PI4KA: variants seen among roughly 807,000 people sequenced by gnomAD.
The protein encoded by PI4KA is phosphatidylinositol 4-kinase alpha.
PI4KA carries 122 observed loss-of-function variants against 271.4 expected under a neutral mutation model. That is an observed-to-expected ratio of 0.45 (90% confidence interval 0.39 to 0.52). The LOEUF (loss-of-function observed/expected upper bound fraction) is 0.52. Among genes scored for constraint, PI4KA ranks in the 20% least tolerant of loss-of-function variants. The pLI, the probability that PI4KA is intolerant of heterozygous loss-of-function variation, is 0.00. For synonymous variants in PI4KA, 1,041 were observed against 1,078.8 expected, an observed-to-expected ratio of 0.96 and a Z score of 0.69; for missense variants, 1,969 against 2,769.1, an observed-to-expected ratio of 0.71 and a Z score of 6.48.
At chr22:20,845,033 G>C (rs954146991) in intron 1 of PI4KA, among the ~76,000 whole-genome samples, 3 of 152,042 alleles carry the variant, frequency 2.0e-5, no homozygotes, top group Non-Finnish European at 4.4e-5. Flanking sequence ...CGATGGCCAG[G>C]GTTATTCCCA....
intron 52 of PI4KA, 175 bp from the exon 53 acceptor site, chr22:20,710,172 C>A (rs1925068263): frequency 1.5e-6 from 1 of 659,342 alleles, no homozygotes; most frequent in African/African-American, 1.8e-5. Context: ...ACTTGGTAAC[C>A]CATACCGCCC....
In PI4KA at chr22:20,838,669, T is replaced by C. The variant is rs759323232; in HGVS notation, c.219A>G (p.Arg73=). 5.0e-5 allele frequency: 81 copies of C among 1,613,592 alleles called. No homozygotes were observed. In the East Asian group the frequency reaches 1.7e-3, roughly 35 times the overall value. ...DFHGIFQLDE[R]RRDAVIALGI... Reference sequence around the variant, plus strand: ...CCAATGCAATCACTGCATCTCTCCGTCTTTCATCTAACTGGAAGATCCCAT... The same window carrying C: ...CCAATGCAATCACTGCATCTCTCCGCCTTTCATCTAACTGGAAGATCCCAT... Residue 73 remains arginine (R), a synonymous_variant, in exon 2 of 55, where the codon AGA becomes AGG. Transcript: ENST00000255882.
At chr22:20,784,140 T>C in intron 19 of PI4KA, 1 of 1,614,126 alleles carries the variant, frequency 6.2e-7, no homozygotes. Flanking sequence ...GTGGGGGGCA[T>C]CAGCATGCTA....
rs185036247 is a variant in PI4KA at position 20,811,020 on chromosome 22, C to T, written c.1018G>A (p.Val340Ile). 77 of 1,613,102 alleles carry T rather than the reference C, an allele frequency of 4.8e-5. No individual in the cohort carries two copies. The highest frequency in any genetic ancestry group is 1.5e-4 in the Admixed American group (9 of 60,020). ...AAAGATTTGAGAACAGCCTCCTCAA[C>T]GATCTTCTTCACCTACCAAGGAAAC... ...RELLNLVKKI[V>I]EEAVLKSLDA... Residue 340 changes from valine to isoleucine, a missense_variant, in exon 9 of 55, where the codon GTT becomes ATT. Around this residue, in one of 13 missense-constraint regions of PI4KA, gnomAD observed 540 missense variants for 555.5 expected, o/e 0.97. Coordinates refer to ENST00000255882, the MANE Select transcript of PI4KA (RefSeq NM_058004.4).
intron 32 of PI4KA, among the ~76,000 whole-genome samples, chr22:20,739,673 A>C (rs917354213): frequency 1.3e-5 from 2 of 152,192 alleles, no homozygotes; most frequent in African/African-American, 4.8e-5. Flanking sequence ...CGATATAAAA[A>C]TAATTACAAT....
Position 20,717,812 on chromosome 22 carries a change from C to G in PI4KA, c.5247-34G>C, listed in dbSNP as rs1442897307. The G allele has an allele frequency of 4.0e-6, 6 of 1,492,878 alleles. No homozygotes were observed. The South Asian group carries it at 7.3e-5, about 18-fold the overall frequency. 92.5% of individuals were successfully genotyped at this position (1,492,878 alleles called of 1,614,324 possible). A position where few individuals can be genotyped will look rare whatever the true frequency, so the allele number is the denominator to read the frequency against. ...CAGGAAAGAAATTCTTGCTTTGTCT[C>G]CTGGAGGAACTGGCTGCTGGGGGAC... is the stretch of plus-strand genomic sequence containing the variant. On this transcript the variant is annotated intron_variant, in intron 44 of 54. Transcript: ENST00000255882.
At chr22:20,751,928 G>C (rs1419111962) in intron 25 of PI4KA, among the ~76,000 whole-genome samples, 173 bp from the exon 26 acceptor site, 2 of 152,194 alleles carry the variant, frequency 1.3e-5, no homozygotes, top group Admixed American at 6.5e-5. Flanking sequence ...ATTGCAGTAA[G>C]GTGAGCAACG....
At chr22:20,742,136 T>C in intron 32 of PI4KA, 92 bp downstream of exon 32, 1 of 1,347,662 alleles carries the variant, frequency 7.4e-7, no homozygotes, top group Non-Finnish European at 1.0e-6. Flanking sequence ...TTGCCCAGTG[T>C]CTCCATGCTT....
chr22:20,749,208 T>C (rs1292442015), intron 28 of PI4KA, among the ~76,000 whole-genome samples: 1 of 152,234 alleles, frequency 6.6e-6, no homozygotes, highest in African/African-American at 2.4e-5. Context: ...CTATCCTTCC[T>C]GGACTCCACA....
intron 7 of PI4KA, 62 bp downstream of exon 7, chr22:20,818,421 G>C (rs1340813506): frequency 7.9e-7 from 1 of 1,272,300 alleles, no homozygotes; most frequent in East Asian, 2.6e-5. Flanking sequence ...ATCACGAGAA[G>C]TCACTGTGAG....
intron 2 of PI4KA, among the ~76,000 whole-genome samples, chr22:20,835,661 G>C (rs930813470): frequency 6.6e-6 from 1 of 152,014 alleles, no homozygotes; most frequent in Non-Finnish European, 1.5e-5. Context: ...GAGCATGGGA[G>C]GTGAAGACTG....
chr22:20,737,931 G>A (rs1432232077), intron 32 of PI4KA, among the ~76,000 whole-genome samples: 1 of 131,388 alleles, frequency 7.6e-6, no homozygotes, highest in Non-Finnish European at 1.7e-5. Flanking sequence ...GCGCCTGGCT[G>A]AGCAGCCCCT....
intron 7 of PI4KA, among the ~76,000 whole-genome samples, chr22:20,818,078 C>T (rs1390390640): frequency 1.3e-5 from 2 of 149,398 alleles, no homozygotes; most frequent in African/African-American, 4.9e-5. Context: ...TGAGCCGAGA[C>T]TACACCACTG....
intron 23 of PI4KA, among the ~76,000 whole-genome samples, chr22:20,757,853 C>CT (rs1373649055): frequency 6.6e-6 from 1 of 152,042 alleles, no homozygotes; most frequent in Non-Finnish European, 1.5e-5. Flanking sequence ...CTTTTTCTTC[C>CT]TTTTTTTGTC....
intron 27 of PI4KA, 50 bp downstream of exon 27, chr22:20,751,243 G>A (rs369889401): frequency 6.2e-5 from 89 of 1,430,100 alleles, no homozygotes; most frequent in Non-Finnish European, 5.3e-5. Flanking sequence ...AAATACTCAG[G>A]GAATTGTGGT....
intron 27 of PI4KA, among the ~76,000 whole-genome samples, chr22:20,750,965 G>A (rs1359507898): frequency 1.3e-5 from 2 of 152,234 alleles, no homozygotes; most frequent in Non-Finnish European, 2.9e-5. Context: ...TGAAAATCAT[G>A]CTTGTGCGAC....
chr22:20,818,685 GC>G, intron 6 of PI4KA, 136 bp from the exon 7 acceptor site: 1 of 560,708 alleles, frequency 1.8e-6, no homozygotes, highest in Non-Finnish European at 3.0e-6. Flanking sequence ...CCTTCCTAAA[GC>G]CCATCACAGC....
At position 20,779,769 on chromosome 22, in the gene PI4KA, A is replaced by C. The variant is rs1300904900; in HGVS notation, c.2328+13424T>G. On this transcript the variant is annotated intron_variant, in intron 19 of 54. Transcript: ENST00000255882. ...GGTCAACACTTTCGATAACATCTTC[A>C]TAGCACCCGTTGGCATTTCTACTGC... 5 of 1,614,222 alleles carry C rather than the reference A, an allele frequency of 3.1e-6. No individual in the cohort carries two copies. The highest frequency in any genetic ancestry group is 3.3e-4 in the Middle Eastern group (2 of 6,062).
intron 23 of PI4KA, among the ~76,000 whole-genome samples, chr22:20,760,628 A>G (rs1262204458): frequency 6.6e-6 from 1 of 152,222 alleles, no homozygotes; most frequent in Non-Finnish European, 1.5e-5. Context: ...GGACACTTCC[A>G]TCAATCCAGA....
Sources: allele counts gnomAD v4.1 joint callset (sites outside exome capture counted in the v4.1 genomes callset), GRCh38; gene constraint gnomAD v4.1.1; regional missense constraint gnomAD v4.1.1; transcripts MANE v1.5; gene names NCBI Gene and HGNC (gene_info 2026-07-23, HGNC 2026-07-21).